AMBRA1: variants seen among roughly 807,000 people sequenced by gnomAD.
AMBRA1 encodes the protein activating molecule in BECN1-regulated autophagy protein 1.
AMBRA1 carries 47 observed loss-of-function variants against 125.4 expected under a neutral mutation model. The observed-to-expected ratio is 0.37, with a 90% CI of 0.30 to 0.48. The LOEUF is 0.48. AMBRA1 is among the 20% of genes least tolerant of loss of function. AMBRA1 has a pLI of 0.99. For missense variants in AMBRA1, 1,331 were observed against 1,693.4 expected, an observed-to-expected ratio of 0.79 and a Z score of 3.76; for synonymous variants, 626 against 655.5, an observed-to-expected ratio of 0.95 and a Z score of 0.69.
At chr11:46,535,974 G>T (rs1177476316) in intron 7 of AMBRA1, among the ~76,000 whole-genome samples, 1 of 152,180 alleles carries the variant, frequency 6.6e-6, no homozygotes, top group Non-Finnish European at 1.5e-5. Flanking sequence ...GGTCACCGGA[G>T]CTCAAGTTTT....
At chr11:46,581,459 T>C (rs2044167292) in intron 1 of AMBRA1, among the ~76,000 whole-genome samples, 2 of 151,812 alleles carry the variant, frequency 1.3e-5, no homozygotes, top group African/African-American at 4.8e-5. Context: ...TACAAAAAAT[T>C]AGCCTGGTGT....
At position 46,516,423 on chromosome 11, in the gene AMBRA1, CTTTTTT is replaced by C. The variant is rs1162985350; in HGVS notation, c.2073-3616_2073-3611del. Reference sequence around the variant, plus strand: ...CTAGGAACCTCAAAGAAAGATCTTTCTTTTTTTTTTTTTTTTTTTTTTTTTGAGACG... The same window carrying C: ...CTAGGAACCTCAAAGAAAGATCTTTCTTTTTTTTTTTTTTTTTTTGAGACG... On this transcript the variant is annotated intron_variant, in intron 7 of 17. Coordinates refer to ENST00000683756, the MANE Select transcript of AMBRA1 (RefSeq NM_001387011.1). Among the ~76,000 whole-genome samples the C allele has an allele frequency of 1.8e-3, 133 of 73,172 alleles. 1 individual carries two copies. The highest frequency in any genetic ancestry group is 6.2e-3 in the African/African-American group (122 of 19,790). The allele number at this position is 73,172 out of a possible 152,430, so 48.0% of individuals were successfully genotyped here.
intron 11 of AMBRA1, among the ~76,000 whole-genome samples, chr11:46,471,209 G>T (rs567388076): frequency 2.5e-3 from 378 of 151,798 alleles, no homozygotes; most frequent in South Asian, 0.011. Context: ...TGGGAGGCTC[G>T]GGCGGGCGGA....
intron 3 of AMBRA1, 160 bp from the exon 4 acceptor site, chr11:46,547,456 C>T (rs1052140170): frequency 1.5e-6 from 1 of 660,328 alleles, no homozygotes; most frequent in African/African-American, 1.8e-5. Context: ...CAGAAATATT[C>T]TGATCTTTAA....
intron 1 of AMBRA1, among the ~76,000 whole-genome samples, chr11:46,583,689 A>C (rs1333958164): frequency 2.7e-5 from 4 of 149,210 alleles, no homozygotes; most frequent in African/African-American, 7.4e-5. Flanking sequence ...ACAACAAAAC[A>C]ACCCCATCAA....
At chr11:46,454,104 G>C (rs937412806) in intron 11 of AMBRA1, among the ~76,000 whole-genome samples, 5 of 152,146 alleles carry the variant, frequency 3.3e-5, no homozygotes, top group African/African-American at 1.2e-4. Context: ...GGCCAATATA[G>C]CAATGATAGT....
intron 1 of AMBRA1, among the ~76,000 whole-genome samples, chr11:46,587,856 G>A (rs978676689): frequency 6.6e-6 from 1 of 152,092 alleles, no homozygotes; most frequent in African/African-American, 2.4e-5. Flanking sequence ...CATCTTCATA[G>A]GTAAGGGTTG....
intron 11 of AMBRA1, among the ~76,000 whole-genome samples, chr11:46,446,460 C>T (rs1246678993): frequency 6.6e-6 from 1 of 152,172 alleles, no homozygotes; most frequent in African/African-American, 2.4e-5. Flanking sequence ...GCCTCAGAAA[C>T]CAAATCCTGA....
At chr11:46,593,157 T>C (rs1041036754) in intron 1 of AMBRA1, among the ~76,000 whole-genome samples, 5 of 152,214 alleles carry the variant, frequency 3.3e-5, no homozygotes, top group African/African-American at 1.2e-4. Context: ...TCTATATTCC[T>C]AACAGTCTAT....
At chr11:46,571,392 T>C (rs546072448) in intron 1 of AMBRA1, among the ~76,000 whole-genome samples, 9 of 152,294 alleles carry the variant, frequency 5.9e-5, no homozygotes, top group South Asian at 2.1e-4. Context: ...TCTTGAAAAG[T>C]AGCCATATTA....
chr11:46,488,608 T>C (rs545265547), intron 11 of AMBRA1, among the ~76,000 whole-genome samples: 1 of 151,940 alleles, frequency 6.6e-6, no homozygotes, highest in South Asian at 2.1e-4. Context: ...CCAAGTAGAT[T>C]TAACCGACAT....
At chr11:46,578,882 CAAAAAAAAAAAA>C (rs71042607) in intron 1 of AMBRA1, among the ~76,000 whole-genome samples, 3 of 24,454 alleles carry the variant, frequency 1.2e-4, no homozygotes, top group African/African-American at 4.1e-4. Flanking sequence ...GACTCAGTCT[CAAAAAAAAAAAA>C]AAAAAAAAAA....
intron 1 of AMBRA1, among the ~76,000 whole-genome samples, chr11:46,585,896 C>T (rs1295733499): frequency 2.0e-5 from 3 of 149,382 alleles, no homozygotes; most frequent in Non-Finnish European, 4.4e-5. Context: ...ACCTCCGCCT[C>T]CGGGGTTCAA....
At chr11:46,427,613 CTGCATTTCTAATAAGT>C (rs1490596869) in intron 14 of AMBRA1, among the ~76,000 whole-genome samples, 1 of 152,202 alleles carries the variant, frequency 6.6e-6, no homozygotes, top group African/African-American at 2.4e-5. Context: ...GGCTGAGAAT[CTGCATTTCTAATAAGT>C]TCCCTAGAGA....
intron 12 of AMBRA1, among the ~76,000 whole-genome samples, chr11:46,439,045 G>A (rs1947869096): frequency 6.6e-6 from 1 of 152,078 alleles, no homozygotes; most frequent in Middle Eastern, 3.2e-3. Flanking sequence ...CCAAGGCAGG[G>A]TAATCACTTG....
chr11:46,426,698 A>C (rs1198614692), intron 14 of AMBRA1, among the ~76,000 whole-genome samples: 2 of 152,178 alleles, frequency 1.3e-5, no homozygotes, highest in East Asian at 3.8e-4. Context: ...TGAAGAAAAG[A>C]ACTTTTTGAG....
chr11:46,483,413 TG>T (rs1590924141), intron 11 of AMBRA1, among the ~76,000 whole-genome samples: 3 of 152,302 alleles, frequency 2.0e-5, no homozygotes, highest in East Asian at 3.9e-4. Flanking sequence ...GGGGAAGAGC[TG>T]GCCTTTGTTG....
At chr11:46,417,042 G>A (rs965480947) in intron 15 of AMBRA1, among the ~76,000 whole-genome samples, 6 of 151,828 alleles carry the variant, frequency 4.0e-5, no homozygotes, top group Admixed American at 2.6e-4. Flanking sequence ...TGCTTTGACT[G>A]TAAATTGAGC....
chr11:46,529,071 T>TC (rs1468077939), intron 7 of AMBRA1, among the ~76,000 whole-genome samples: 1 of 152,224 alleles, frequency 6.6e-6, no homozygotes, highest in African/African-American at 2.4e-5. Flanking sequence ...ACTCCTGCTC[T>TC]AACTTGATTT....
Sources: gnomAD v4.1 joint callset for allele counts (sites outside exome capture counted in the v4.1 genomes callset) on GRCh38, gnomAD v4.1.1 for gene constraint, MANE v1.5 for transcripts, NCBI Gene and HGNC (gene_info 2026-07-23, HGNC 2026-07-21) for gene names.